The following BTRC variants were observed in gnomAD, a reference collection of about 807,000 sequenced individuals.
BTRC encodes the protein beta-transducin repeat containing E3 ubiquitin protein ligase.
Under a neutral mutation model 85.5 loss-of-function variants are expected in BTRC, and 42 were observed. That is an observed-to-expected ratio of 0.49 (90% confidence interval 0.38 to 0.64). The LOEUF (loss-of-function observed/expected upper bound fraction) is 0.64, where lower values mean the gene tolerates loss of function less well. Ranked by LOEUF, BTRC falls within the 30% of genes least tolerant of loss-of-function variation. BTRC has a pLI of 0.00. For synonymous variants in BTRC, 255 were observed against 263.3 expected (o/e 0.97, Z 0.30); for missense variants, 594 against 743.5 (o/e 0.80, Z 2.34).
At chr10:101,514,871 T>G (rs2062002710) in intron 4 of BTRC, among the ~76,000 whole-genome samples, 1 of 152,248 alleles carries the variant, frequency 6.6e-6, no homozygotes, top group Admixed American at 6.5e-5. Flanking sequence ...CACACTATCT[T>G]GATTACTATT....
chr10:101,427,113 CTTTTT>C (rs138285266), intron 1 of BTRC, among the ~76,000 whole-genome samples: 30,329 of 108,460 alleles, frequency 0.28, 3,246 homozygotes, highest in Middle Eastern at 0.45. Flanking sequence ...TTTTTTCTTT[CTTTTT>C]TTTTTTTTTT....
intron 13 of BTRC, among the ~76,000 whole-genome samples, 193 bp downstream of exon 13, chr10:101,538,564 CTA>C (rs1470172060): frequency 1.1e-4 from 16 of 152,126 alleles, no homozygotes; most frequent in African/African-American, 3.9e-4. Context: ...GCTTTAGAGA[CTA>C]TATATGGAGA....
intron 2 of BTRC, among the ~76,000 whole-genome samples, chr10:101,443,987 TACCA>T (rs545841473): frequency 3.8e-3 from 584 of 152,368 alleles, no homozygotes; most frequent in Middle Eastern, 0.017. Flanking sequence ...AGTACTTATA[TACCA>T]GTCACTGTGC....
At chr10:101,537,493 A>G (rs2062404779) in intron 12 of BTRC, among the ~76,000 whole-genome samples, 1 of 152,234 alleles carries the variant, frequency 6.6e-6, no homozygotes, top group Admixed American at 6.5e-5. Flanking sequence ...GCGCCACCAC[A>G]CTCCAGCCTG....
At chr10:101,408,998 A>G (rs567383795) in intron 1 of BTRC, among the ~76,000 whole-genome samples, 1 of 152,260 alleles carries the variant, frequency 6.6e-6, no homozygotes, top group South Asian at 2.1e-4. Flanking sequence ...GCAGTGAACC[A>G]AGATTGTGCC....
At chr10:101,388,451 G>C (rs10748811) in intron 1 of BTRC, among the ~76,000 whole-genome samples, 151,687 of 152,194 alleles carry the variant, frequency 1, 75,595 homozygotes, top group Middle Eastern at 1. Flanking sequence ...TGTGGCCTCC[G>C]AAAGTGCTGG....
At chr10:101,366,778 A>ATATTTTTTTATATT (rs1564729552) in intron 1 of BTRC, among the ~76,000 whole-genome samples, 8 of 108,132 alleles carry the variant, frequency 7.4e-5, no homozygotes, top group Non-Finnish European at 5.4e-5. Context: ...ATATATATAT[A>ATATTTTTTTATATT]TATATATATA....
upstream of BTRC, chr10:101,354,142 C>A (rs746537300): frequency 5.8e-6 from 9 of 1,546,814 alleles, no homozygotes; most frequent in African/African-American, 9.6e-5. Context: ...ACCAAAGGGG[C>A]GGCCCCGGCG....
At chr10:101,415,193 T>G (rs953194008) in intron 1 of BTRC, among the ~76,000 whole-genome samples, 4 of 151,774 alleles carry the variant, frequency 2.6e-5, no homozygotes, top group Non-Finnish European at 5.9e-5. Flanking sequence ...TTGTCTTTTT[T>G]TTTGAGACAA....
chr10:101,492,878 G>T (rs1946169093), intron 4 of BTRC, among the ~76,000 whole-genome samples: 1 of 152,116 alleles, frequency 6.6e-6, no homozygotes, highest in Non-Finnish European at 1.5e-5. Flanking sequence ...AATACATCTA[G>T]CCTGGGACAC....
At chr10:101,403,208 C>A (rs1943532656) in intron 1 of BTRC, among the ~76,000 whole-genome samples, 1 of 152,110 alleles carries the variant, frequency 6.6e-6, no homozygotes, top group Admixed American at 6.6e-5. Context: ...CAAGTACTTT[C>A]CATTTCAAGT....
At chr10:101,536,782 A>G (rs1006865275) in intron 12 of BTRC, 129 bp downstream of exon 12, 19 of 625,144 alleles carry the variant, frequency 3.0e-5, no homozygotes, top group Non-Finnish European at 3.2e-5. Context: ...ATCTGATACC[A>G]TATTTCTTTA....
chr10:101,526,610 A>C (rs531179494), intron 6 of BTRC, among the ~76,000 whole-genome samples: 2 of 152,102 alleles, frequency 1.3e-5, no homozygotes, highest in East Asian at 1.9e-4. Context: ...CGAAACCCCA[A>C]CTCTACTAAA....
intron 1 of BTRC, 141 bp from the exon 2 acceptor site, chr10:101,430,204 G>C: frequency 1.9e-6 from 1 of 526,702 alleles, no homozygotes; most frequent in South Asian, 2.9e-5. Context: ...AAGCCAGTAA[G>C]TAGTGTGTTT....
At chr10:101,436,858 C>T (rs1269694670) in intron 2 of BTRC, among the ~76,000 whole-genome samples, 3 of 151,970 alleles carry the variant, frequency 2.0e-5, no homozygotes, top group Non-Finnish European at 4.4e-5. Flanking sequence ...TGAATTTTAC[C>T]ATGTACAAAG....
At chr10:101,525,511 A>G (rs928781367) in intron 5 of BTRC, among the ~76,000 whole-genome samples, 10 of 152,134 alleles carry the variant, frequency 6.6e-5, no homozygotes, top group African/African-American at 2.4e-4. Context: ...CCAAAATTCT[A>G]TAACCCAGCA....
rs766011206 is a variant in BTRC, at chr10:101,430,438, C to T, written c.142C>T (p.Leu48Phe). 32 of 1,613,958 alleles carry T rather than the reference C, an allele frequency of 2.0e-5. No homozygotes were observed. In the South Asian group the frequency reaches 3.3e-4, roughly 17 times the overall value. ...RCLYNPGTGA[L>F]TAFQNSSERE... ...CCTGTATAACCCAGGGACTGGCGCACTCACAGCTTTCCAGGTACTTTCTCT... is the reference window on the plus strand; with the variant it reads ...CCTGTATAACCCAGGGACTGGCGCATTCACAGCTTTCCAGGTACTTTCTCT... The change falls in exon 2 of 15, where the codon CTC becomes TTC. Residue 48 changes from leucine (L) to phenylalanine (F), a missense_variant. By Grantham distance (22) the Leu-to-Phe change is conservative. Transcript: ENST00000370187.
chr10:101,484,996 C>T (rs554855708), intron 4 of BTRC, among the ~76,000 whole-genome samples: 1 of 152,284 alleles, frequency 6.6e-6, no homozygotes, highest in East Asian at 1.9e-4. Context: ...ACATTTTCTT[C>T]TAGATGTGCG....
intron 4 of BTRC, among the ~76,000 whole-genome samples, chr10:101,502,710 A>G (rs1254656471): frequency 3.3e-5 from 5 of 152,198 alleles, no homozygotes; most frequent in Non-Finnish European, 7.4e-5. Context: ...GTACTCACAA[A>G]AAGCAATACC....
Sources: allele counts gnomAD v4.1 joint callset (sites outside exome capture counted in the v4.1 genomes callset), GRCh38; gene constraint gnomAD v4.1.1; transcripts MANE v1.5; gene names NCBI Gene and HGNC (gene_info 2026-07-23, HGNC 2026-07-21).